MYOF: variants seen among roughly 807,000 people sequenced by gnomAD.
MYOF encodes fer-1-like 3, myoferlin.
In MYOF, 244 loss-of-function variants were observed where a neutral mutation model predicts 284.2. The ratio of observed to expected loss-of-function variants is 0.86; its 90% confidence interval spans 0.77 to 0.95. The LOEUF is 0.95. Ranked by LOEUF, MYOF falls within the 40% of genes least tolerant of loss-of-function variation. The pLI is 0.00. For missense variants in MYOF, 2,496 were observed against 2,560.6 expected, an observed-to-expected ratio of 0.97 and a Z score of 0.54; for synonymous variants, 904 against 919.7, an observed-to-expected ratio of 0.98 and a Z score of 0.31.
chr10:93,455,399 G>A (rs1240990902), intron 2 of MYOF, among the ~76,000 whole-genome samples: 1 of 152,150 alleles, frequency 6.6e-6, no homozygotes, highest in Admixed American at 6.5e-5. Flanking sequence ...GAGGCGCAAT[G>A]GCTCACACCT....
At chr10:93,481,881 C>T (rs1379708821) in intron 1 of MYOF, among the ~76,000 whole-genome samples, 1 of 152,166 alleles carries the variant, frequency 6.6e-6, no homozygotes, top group Non-Finnish European at 1.5e-5. Context: ...ACAGAAATCA[C>T]ACTCTTAGAG....
chr10:93,424,553 T>C (rs1173063254), intron 5 of MYOF, among the ~76,000 whole-genome samples: 2 of 152,244 alleles, frequency 1.3e-5, no homozygotes, highest in East Asian at 1.9e-4. Context: ...CAAAGCCAAG[T>C]AGAATGCTCA....
intron 24 of MYOF, among the ~76,000 whole-genome samples, chr10:93,372,549 T>G (rs1845640555): frequency 6.6e-6 from 1 of 152,210 alleles, no homozygotes; most frequent in East Asian, 1.9e-4. Context: ...GCTCATTAGG[T>G]TAGAGCAACA....
chr10:93,379,763 T>C, intron 21 of MYOF, 100 bp downstream of exon 21: 2 of 1,439,662 alleles, frequency 1.4e-6, no homozygotes, highest in Non-Finnish European at 1.9e-6. Context: ...TATTGATCAC[T>C]GTACTAAGCA....
chr10:93,310,918 T>C (rs1229670505), intron 51 of MYOF, among the ~76,000 whole-genome samples: 1 of 152,140 alleles, frequency 6.6e-6, no homozygotes, highest in East Asian at 1.9e-4. Flanking sequence ...ATTGGTCTCC[T>C]TGTCTCCCCA....
At chr10:93,382,964 C>T (rs1388912258) in intron 19 of MYOF, among the ~76,000 whole-genome samples, 2 of 152,090 alleles carry the variant, frequency 1.3e-5, no homozygotes, top group Non-Finnish European at 2.9e-5. Context: ...GGCTTGATCT[C>T]GGCTCATTGC....
chr10:93,309,369 G>C (rs1247533196), intron 53 of MYOF, among the ~76,000 whole-genome samples: 2 of 152,182 alleles, frequency 1.3e-5, no homozygotes, highest in Admixed American at 6.5e-5. Context: ...TGGAGGAAGG[G>C]AGGTACTACT....
chr10:93,465,486 A>G (rs960414736), intron 1 of MYOF, among the ~76,000 whole-genome samples: 1 of 150,772 alleles, frequency 6.6e-6, no homozygotes, highest in Non-Finnish European at 1.5e-5. Context: ...AATGAGAGCT[A>G]TCAGATGATT....
intron 5 of MYOF, chr10:93,425,728 A>G: frequency 3.6e-6 from 1 of 280,736 alleles, no homozygotes; most frequent in South Asian, 4.8e-5. Flanking sequence ...CAGAGGGGCC[A>G]CTCCTTGAGC....
intron 1 of MYOF, among the ~76,000 whole-genome samples, chr10:93,457,919 T>C (rs1174615762): frequency 6.6e-6 from 1 of 151,196 alleles, no homozygotes; most frequent in Non-Finnish European, 1.5e-5. Context: ...GTTTTTTTTT[T>C]TTTCACTAGA....
intron 3 of MYOF, among the ~76,000 whole-genome samples, chr10:93,437,370 G>A (rs568351855): frequency 1.3e-5 from 2 of 152,044 alleles, no homozygotes; most frequent in Non-Finnish European, 2.9e-5. Context: ...GTGAAGGGCC[G>A]CATGCCTCTG....
intron 3 of MYOF, among the ~76,000 whole-genome samples, chr10:93,447,407 G>A (rs554031212): frequency 1.9e-3 from 295 of 152,246 alleles, no homozygotes; most frequent in African/African-American, 7.0e-3. Context: ...CAGCTCCTGG[G>A]GACGTGCTCG....
chr10:93,402,908 G>T lies in MYOF; in HGVS notation c.844-18C>A. Reference sequence around the variant, plus strand: ...ACATCAATCTGGGAAAACAATAATCGAAAGTAGTCTAAGTAGATTTTAAAA... The same window carrying T: ...ACATCAATCTGGGAAAACAATAATCTAAAGTAGTCTAAGTAGATTTTAAAA... On this transcript the variant is annotated intron_variant, in intron 9 of 53. Coordinates refer to ENST00000359263, the MANE Select transcript of MYOF (RefSeq NM_013451.4). 6.2e-7 allele frequency: 1 copy of T among 1,603,060 alleles called. No homozygotes were observed. The highest frequency in any genetic ancestry group is 8.5e-7 in the Non-Finnish European group (1 of 1,170,424).
At chr10:93,449,774 A>G (rs1207837427) in intron 3 of MYOF, among the ~76,000 whole-genome samples, 1 of 152,064 alleles carries the variant, frequency 6.6e-6, no homozygotes, top group Non-Finnish European at 1.5e-5. Flanking sequence ...TACAGGCATG[A>G]GCCACCACAC....
At chr10:93,395,419 G>A (rs948046158) in intron 16 of MYOF, among the ~76,000 whole-genome samples, 1 of 152,098 alleles carries the variant, frequency 6.6e-6, no homozygotes. Context: ...CTCCAGCCTG[G>A]GTGACAGAGC....
At position 93,340,180 on chromosome 10, in the gene MYOF, T is replaced by A. The variant is rs924609009; in HGVS notation, c.4327-16A>T. The A allele has an allele frequency of 3.1e-6, 5 of 1,613,840 alleles. No individual in the cohort carries two copies. Among genetic ancestry groups the A allele is most frequent in the East Asian group, 2.2e-5 (1 of 44,888 alleles). ...TTTCTGTCAGCTGCTCGTGCACATG[T>A]CCCGTGAGGAAGAGGGCAAACCATA... is the stretch of plus-strand genomic sequence containing the variant. On this transcript the variant is annotated splice_polypyrimidine_tract_variant and intron_variant, in intron 38 of 53. Coordinates refer to ENST00000359263, the MANE Select transcript of MYOF (RefSeq NM_013451.4).
chr10:93,445,306 C>A (rs2056398536), intron 3 of MYOF, among the ~76,000 whole-genome samples: 1 of 152,128 alleles, frequency 6.6e-6, no homozygotes, highest in South Asian at 2.1e-4. Flanking sequence ...AAAATAGGAC[C>A]CATCATATGA....
At position 93,391,730 on chromosome 10, in the gene MYOF, C is replaced by A. The variant is rs556413019; in HGVS notation, c.1456+1187G>T. Among the ~76,000 whole-genome samples the A allele has an allele frequency of 6.6e-5, 10 of 152,318 alleles. 1 individual carries two copies. The South Asian group carries it at 2.1e-3, about 32-fold the overall frequency. On this transcript the variant is annotated intron_variant, in intron 17 of 53. Transcript: ENST00000359263. ...ACTTCCCAATGTCCTTGCTGAAAAG[C>A]CTATATAAAATAAAATAAAAATCCT...
chr10:93,389,711 T>C (rs1846583128), intron 17 of MYOF, among the ~76,000 whole-genome samples: 1 of 152,230 alleles, frequency 6.6e-6, no homozygotes, highest in African/African-American at 2.4e-5. Flanking sequence ...TCCCATTCAT[T>C]GCTTTCTATC....
Sources: gnomAD v4.1 joint callset for allele counts (sites outside exome capture counted in the v4.1 genomes callset) on GRCh38, gnomAD v4.1.1 for gene constraint, MANE v1.5 for transcripts, NCBI Gene and HGNC (gene_info 2026-07-23, HGNC 2026-07-21) for gene names.